ARHGAP15: variants seen among roughly 807,000 people sequenced by gnomAD.
ARHGAP15 encodes the protein rho GTPase-activating protein 15.
Under a neutral mutation model 63.7 loss-of-function variants are expected in ARHGAP15, and 51 were observed. That is an observed-to-expected ratio of 0.80 (90% CI 0.64 to 1.01). ARHGAP15 has a LOEUF of 1.01. Ranked by LOEUF, ARHGAP15 falls within the 50% of genes least tolerant of loss-of-function variation. ARHGAP15 has a pLI of 0.00. For synonymous variants in ARHGAP15, 191 were observed against 193.8 expected (o/e 0.99, Z 0.12); for missense variants, 560 against 564.6 (o/e 0.99, Z 0.08).
At chr2:143,346,170 ACACTCT>A (rs775941951) in intron 6 of ARHGAP15, among the ~76,000 whole-genome samples, 7,097 of 114,994 alleles carry the variant, frequency 0.062, 460 homozygotes, top group Admixed American at 0.23. Context: ...ACACACACAC[ACACTCT>A]CTCTCTCACA....
intron 11 of ARHGAP15, among the ~76,000 whole-genome samples, chr2:143,592,108 C>G (rs1559068894): frequency 6.6e-6 from 1 of 152,022 alleles, no homozygotes; most frequent in East Asian, 1.9e-4. Flanking sequence ...CAGTAATTCC[C>G]TCATTTTTTT....
intron 12 of ARHGAP15, among the ~76,000 whole-genome samples, chr2:143,644,359 G>A (rs1680762210): frequency 6.6e-6 from 1 of 152,050 alleles, no homozygotes; most frequent in Non-Finnish European, 1.5e-5. Context: ...CTTCAGGGGA[G>A]AAGACAGAAA....
intron 6 of ARHGAP15, among the ~76,000 whole-genome samples, chr2:143,402,793 C>A (rs1688039233): frequency 6.6e-6 from 1 of 151,858 alleles, no homozygotes; most frequent in Non-Finnish European, 1.5e-5. Context: ...AGATTCCTGG[C>A]ATCTAATAGA....
chr2:143,271,687 G>C (rs1043943876), intron 6 of ARHGAP15, among the ~76,000 whole-genome samples: 1 of 152,142 alleles, frequency 6.6e-6, no homozygotes, highest in African/African-American at 2.4e-5. Context: ...CATGTTAGTC[G>C]GGATAGTCTC....
intron 6 of ARHGAP15, among the ~76,000 whole-genome samples, chr2:143,391,384 T>C (rs1687532671): frequency 6.6e-6 from 1 of 152,192 alleles, no homozygotes; most frequent in Admixed American, 6.5e-5. Flanking sequence ...TTCATGTCCA[T>C]GTGATACCTT....
At chr2:143,401,023 G>GGT (rs1177257069) in intron 6 of ARHGAP15, among the ~76,000 whole-genome samples, 1 of 151,942 alleles carries the variant, frequency 6.6e-6, no homozygotes, top group African/African-American at 2.4e-5. Flanking sequence ...ACCAGCGCCA[G>GGT]GTGCATTCCA....
intron 13 of ARHGAP15, among the ~76,000 whole-genome samples, chr2:143,752,292 A>C (rs564062304): frequency 1.6e-3 from 243 of 152,192 alleles, no homozygotes; most frequent in Non-Finnish European, 1.8e-3. Context: ...ATCACATACA[A>C]CTTTTCTGTA....
intron 6 of ARHGAP15, among the ~76,000 whole-genome samples, chr2:143,288,469 T>C (rs1682224823): frequency 6.6e-6 from 1 of 152,202 alleles, no homozygotes; most frequent in Non-Finnish European, 1.5e-5. Context: ...TTGCACAATT[T>C]TTTTGAGCAC....
At chr2:143,307,919 G>T (rs941471421) in intron 6 of ARHGAP15, among the ~76,000 whole-genome samples, 4 of 152,046 alleles carry the variant, frequency 2.6e-5, no homozygotes, top group African/African-American at 9.7e-5. Context: ...TTGTTGAAAA[G>T]CCTTAGTTTT....
At chr2:143,452,483 C>T (rs1275733993) in intron 8 of ARHGAP15, among the ~76,000 whole-genome samples, 1 of 151,870 alleles carries the variant, frequency 6.6e-6, no homozygotes, top group Non-Finnish European at 1.5e-5. Flanking sequence ...GGATTGGGCG[C>T]ATTAACACTT....
chr2:143,501,101 C>A (rs1693034045), intron 9 of ARHGAP15, among the ~76,000 whole-genome samples: 1 of 152,284 alleles, frequency 6.6e-6, no homozygotes, highest in South Asian at 2.1e-4. Context: ...TTTCACATAA[C>A]AAGAGACTGA....
At chr2:143,232,621 G>A (rs769764652) in intron 5 of ARHGAP15, among the ~76,000 whole-genome samples, 5 of 152,136 alleles carry the variant, frequency 3.3e-5, no homozygotes, top group Non-Finnish European at 7.4e-5. Context: ...CCCAGGATGA[G>A]TTATAGACCC....
At position 143,244,716 on chromosome 2, in the gene ARHGAP15, C is replaced by A. The variant is rs533065992; in HGVS notation, c.385-5795C>A. The stretch of plus-strand genomic sequence containing the variant: ...CCGTAGATAAATTTTCCATAATAAA[C>A]AATGTGAGGTTTGTGTCTCACATTG... On this transcript the variant is annotated intron_variant, in intron 5 of 13. Coordinates refer to ENST00000295095, the MANE Select transcript of ARHGAP15 (RefSeq NM_018460.4). 4.6e-5 allele frequency among the ~76,000 whole-genome samples: 7 copies of A among 152,142 alleles called. No homozygotes were observed. In the South Asian group the frequency reaches 6.2e-4, roughly 14 times the overall value.
chr2:143,400,781 T>C (rs1385328534), intron 6 of ARHGAP15, among the ~76,000 whole-genome samples: 3 of 152,044 alleles, frequency 2.0e-5, no homozygotes, highest in Non-Finnish European at 1.5e-5. Context: ...TAGAGAAAAT[T>C]GCAGGGTATT....
At chr2:143,458,672 T>C (rs1035706714) in intron 8 of ARHGAP15, among the ~76,000 whole-genome samples, 2 of 152,198 alleles carry the variant, frequency 1.3e-5, no homozygotes, top group African/African-American at 4.8e-5. Flanking sequence ...ATGAATAGTT[T>C]AGTGAGGAGA....
chr2:143,484,088 G>A, intron 8 of ARHGAP15, among the ~76,000 whole-genome samples: 1 of 152,018 alleles, frequency 6.6e-6, no homozygotes, highest in Non-Finnish European at 1.5e-5. Flanking sequence ...ATTAGGCCAG[G>A]CGTGGTAGCT....
chr2:143,327,053 C>G (rs192615825), intron 6 of ARHGAP15, among the ~76,000 whole-genome samples: 247 of 152,282 alleles, frequency 1.6e-3, no homozygotes, highest in African/African-American at 5.8e-3. Context: ...AGCTGATAAG[C>G]AACTTGAGCA....
intron 9 of ARHGAP15, among the ~76,000 whole-genome samples, chr2:143,491,905 G>A (rs1195232576): frequency 6.6e-6 from 1 of 151,834 alleles, no homozygotes; most frequent in East Asian, 1.9e-4. Flanking sequence ...TTTTGGAGAT[G>A]GATTCTCACT....
intron 6 of ARHGAP15, among the ~76,000 whole-genome samples, chr2:143,338,450 G>T (rs1298192436): frequency 1.3e-5 from 2 of 152,124 alleles, no homozygotes; most frequent in African/African-American, 2.4e-5. Flanking sequence ...GAATTTGTTA[G>T]TGCAAGCCTA....
Sources: allele counts gnomAD v4.1 joint callset (sites outside exome capture counted in the v4.1 genomes callset), GRCh38; gene constraint gnomAD v4.1.1; transcripts MANE v1.5; gene names NCBI Gene and HGNC (gene_info 2026-07-23, HGNC 2026-07-21).